Variants in CLSPN observed in about 807,000 individuals in gnomAD.
CLSPN encodes claspin homolog.
A neutral mutation model predicts 156.3 loss-of-function variants in CLSPN; 85 were observed. The observed-to-expected ratio is 0.54, with a 90% confidence interval of 0.46 to 0.65. CLSPN has a LOEUF of 0.65. Ranked by LOEUF, CLSPN falls within the 30% of genes least tolerant of loss-of-function variation. The pLI is 0.00. For missense variants in CLSPN, 1,407 were observed against 1,554.9 expected (o/e 0.90, Z 1.60); for synonymous variants, 534 against 542.4 (o/e 0.98, Z 0.22).
At chr1:35,743,609 A>C (rs1032517506) in intron 16 of CLSPN, 79 bp from the exon 17 acceptor site, 1 of 1,217,338 alleles carries the variant, frequency 8.2e-7, no homozygotes, top group Admixed American at 2.0e-5. Context: ...TGAATTAAAA[A>C]AAATTTTGTG....
Position 35,748,559 on chromosome 1 carries a change from T to C in CLSPN, c.2318A>G (p.Asn773Ser), listed in dbSNP as rs114871384. Residue 773 changes from asparagine (N) to serine (S), a missense_variant, in exon 13 of 25, where the codon AAT (asparagine) becomes AGT (serine). Physicochemically the swap from Asn to Ser is conservative, Grantham distance 46. Coordinates refer to ENST00000318121, the MANE Select transcript of CLSPN (RefSeq NM_022111.4). ...CSLLTKESSHNSSFELIGSTI... is the reference protein window; with the variant it reads ...CSLLTKESSHSSSFELIGSTI... ...GGAGCCAATCAGCTCAAAGCTGCTA[T>C]TGTGGCTGCTCTCCTTTGTTAGCAA... 1 of 1,614,166 alleles carries C rather than the reference T, an allele frequency of 6.2e-7. No individual in the cohort carries two copies. Among genetic ancestry groups the C allele is most frequent in the Non-Finnish European group, 8.5e-7 (1 of 1,180,024 alleles).
chr1:35,760,535 T>C lies in CLSPN; in HGVS notation c.1386A>G (p.Gln462=). The part of the protein sequence containing the change: ...EPHALEGEGP[Q]NPEETDEKVE... ...CTTTCTCATCTGTTTCTTCTGGATT[T>C]TGGGGGCCTTCACCCTCCAGGGCAT... The change falls in exon 8 of 25, where the codon CAA becomes CAG. Residue 462 remains glutamine (Q), a synonymous_variant. Coordinates refer to ENST00000318121, the MANE Select transcript of CLSPN (RefSeq NM_022111.4). 6.2e-7 allele frequency: 1 copy of C among 1,614,210 alleles called. No homozygotes were observed. The highest frequency in any genetic ancestry group is 1.7e-5 in the Admixed American group (1 of 60,026).
downstream of CLSPN, among the ~76,000 whole-genome samples, chr1:35,731,509 C>T (rs1030349451): frequency 2.0e-5 from 3 of 152,138 alleles, no homozygotes; most frequent in African/African-American, 7.2e-5. Context: ...AAGTGTCATC[C>T]TCCAAATTAT....
Position 35,733,382 on chromosome 1 carries a change from T to G in CLSPN, c.*3114A>C. On this transcript the variant is annotated 3_prime_UTR_variant, in exon 25 of 25. Transcript: ENST00000318121. The stretch of plus-strand genomic sequence containing the variant: ...GTTTCCCAGGCTGGTCTCGAACTCC[T>G]GAGTTCAAGCAATGCACCCACCTCA... 14 of 599,012 alleles carry G rather than the reference T, an allele frequency of 2.3e-5. No homozygotes were observed. Among genetic ancestry groups the G allele is most frequent in the Non-Finnish European group, 2.9e-5 (14 of 479,256 alleles). The allele number at this position is 599,012 out of a possible 1,614,324, so 37.1% of individuals were successfully genotyped here. A position where few individuals can be genotyped will look rare whatever the true frequency, so the allele number is the denominator to read the frequency against.
chr1:35,744,207 G>A (rs1641794630), intron 16 of CLSPN, among the ~76,000 whole-genome samples: 1 of 152,162 alleles, frequency 6.6e-6, no homozygotes. Flanking sequence ...ACTACTCTAA[G>A]TATCTCATGT....
intron 7 of CLSPN, 65 bp from the exon 8 acceptor site, chr1:35,760,981 G>T: frequency 7.0e-7 from 1 of 1,420,516 alleles, no homozygotes; most frequent in Non-Finnish European, 9.8e-7. Flanking sequence ...TCATCCCTTA[G>T]TATATATCAG....
At chr1:35,769,106 T>G (rs1163270181) in intron 1 of CLSPN, among the ~76,000 whole-genome samples, 1 of 152,230 alleles carries the variant, frequency 6.6e-6, no homozygotes, top group Non-Finnish European at 1.5e-5. Context: ...TTTTGTTCAA[T>G]ATCAAATCAT....
downstream of CLSPN, among the ~76,000 whole-genome samples, chr1:35,730,720 G>T (rs377668199): frequency 6.6e-6 from 1 of 150,904 alleles, no homozygotes; most frequent in South Asian, 2.1e-4. Flanking sequence ...AAAATTAGCC[G>T]GGTGTGGTGG....
chr1:35,763,417 C>G, intron 3 of CLSPN, 96 bp from the exon 4 acceptor site: 1 of 832,086 alleles, frequency 1.2e-6, no homozygotes, highest in South Asian at 2.3e-5. Context: ...AGAAAAAGCC[C>G]ATGTTTCATC....
At chr1:35,742,738 A>G (rs1480853424) in intron 18 of CLSPN, among the ~76,000 whole-genome samples, 2 of 146,236 alleles carry the variant, frequency 1.4e-5, no homozygotes, top group Non-Finnish European at 3.0e-5. Context: ...ATATTAAGTG[A>G]TCAACTTTTT....
chr1:35,729,455 A>G (rs1328874636), downstream of CLSPN, among the ~76,000 whole-genome samples: 2 of 152,218 alleles, frequency 1.3e-5, no homozygotes, highest in Non-Finnish European at 2.9e-5. Flanking sequence ...GAACTAAATC[A>G]ATAAACTGAA....
rs1019865536 is a variant in CLSPN, at chr1:35,748,535, G to A, written c.2342C>T (p.Ser781Phe). The A allele has an allele frequency of 2.5e-6, 4 of 1,614,158 alleles. No individual in the cohort carries two copies. The highest frequency in any genetic ancestry group is 3.4e-6 in the Non-Finnish European group (4 of 1,180,018). ...SHNSSFELIG[S>F]TIPSYQPCNR... ...GCAAGGCTGATAGGATGGAATCGTG[G>A]AGCCAATCAGCTCAAAGCTGCTATT... Residue 781 changes from serine (S) to phenylalanine (F), a missense_variant, in exon 13 of 25, where the codon TCC becomes TTC. By Grantham distance (155) the Ser-to-Phe change is radical. This residue lies in a region of CLSPN where 1,096 missense variants were observed against 1,193.0 expected (regional missense o/e 0.92). Transcript: ENST00000318121.
intron 24 of CLSPN, chr1:35,721,103 GCC>G: frequency 1.6e-6 from 1 of 637,228 alleles, no homozygotes; most frequent in South Asian, 2.1e-5. Context: ...ATTTTGCCAA[GCC>G]TAACTTGAGT....
At position 35,735,649 on chromosome 1, in the gene CLSPN, C is replaced by T. The variant is rs560528282; in HGVS notation, c.*847G>A. On this transcript the variant is annotated 3_prime_UTR_variant, in exon 25 of 25. Transcript: ENST00000318121. ...CTTGAACCCGGGAGGCAGAGGTTGC[C>T]GTGAGCCGAGATTGCGCCACTGCAC... The T allele has an allele frequency of 1.0e-5, 9 of 863,362 alleles. No individual in the cohort carries two copies. The highest frequency in any genetic ancestry group is 1.1e-4 in the South Asian group (2 of 18,710). The allele number at this position is 863,362 out of a possible 1,614,324, so 53.5% of individuals were successfully genotyped here.
chr1:35,736,544 A>G lies in CLSPN; in HGVS notation c.3972T>C (p.Asp1324=), dbSNP rs1335928799. The change falls in exon 25 of 25, where the codon GAT becomes GAC. Residue 1324 remains aspartate, a synonymous_variant. Coordinates refer to ENST00000318121, the MANE Select transcript of CLSPN (RefSeq NM_022111.4). ...TGCTTCGCGTCAATCCTGAAGTGCT[A>G]TCATCTGTTTTGAGGTGCTTAGGTG... The part of the protein sequence containing the change: ...SPSPKHLKTD[D]STSGLTRSIF... 6 of 1,612,258 alleles carry G rather than the reference A, an allele frequency of 3.7e-6. No individual in the cohort carries two copies. Among genetic ancestry groups the G allele is most frequent in the East Asian group, 2.2e-5 (1 of 44,812 alleles).
Position 35,733,531 on chromosome 1 carries a change from A to G in CLSPN, c.*2965T>C. ...TGTAGGGAAACAAGAGGGAAGAAAT[A>G]TCTAGCCTTCCTGCTCAGTTCTCTT... is the stretch of plus-strand genomic sequence containing the variant. On this transcript the variant is annotated 3_prime_UTR_variant, in exon 25 of 25. Coordinates refer to ENST00000318121, the MANE Select transcript of CLSPN (RefSeq NM_022111.4). 1 of 985,316 alleles carries G rather than the reference A, an allele frequency of 1.0e-6. No homozygotes were observed. Among genetic ancestry groups the G allele is most frequent in the Non-Finnish European group, 1.2e-6 (1 of 829,894 alleles). The allele number at this position is 985,316 out of a possible 1,614,324, so 61.0% of individuals were successfully genotyped here.
At chr1:35,739,732 G>A (rs1188100093) in intron 18 of CLSPN, among the ~76,000 whole-genome samples, 1 of 152,116 alleles carries the variant, frequency 6.6e-6, no homozygotes, top group South Asian at 2.1e-4. Flanking sequence ...AATGTGATAC[G>A]CACTTAGTAT....
At chr1:35,745,827 A>T (rs1641860197) in intron 15 of CLSPN, among the ~76,000 whole-genome samples, 1 of 152,242 alleles carries the variant, frequency 6.6e-6, no homozygotes, top group Non-Finnish European at 1.5e-5. Flanking sequence ...TATTGGGGGC[A>T]GGGAACAGGA....
At position 35,734,866 on chromosome 1, in the gene CLSPN, T is replaced by A; in HGVS notation, c.*1630A>T. On this transcript the variant is annotated 3_prime_UTR_variant, in exon 25 of 25. Coordinates refer to ENST00000318121, the MANE Select transcript of CLSPN (RefSeq NM_022111.4). ...GAAACCACAGTATTCACATGGAATGTTTTTCCAAAGCAGCACTGATGCTCA... is the reference window on the plus strand; with the variant it reads ...GAAACCACAGTATTCACATGGAATGATTTTCCAAAGCAGCACTGATGCTCA... 1.0e-6 allele frequency: 1 copy of A among 985,402 alleles called. No individual in the cohort carries two copies. The highest frequency in any genetic ancestry group is 1.2e-6 in the Non-Finnish European group (1 of 829,934). The allele number at this position is 985,402 out of a possible 1,614,324, so 61.0% of individuals were successfully genotyped here. A position where few individuals can be genotyped will look rare whatever the true frequency, so the allele number is the denominator to read the frequency against.
Sources: gnomAD v4.1 joint callset for allele counts (sites outside exome capture counted in the v4.1 genomes callset) on GRCh38, gnomAD v4.1.1 for gene constraint, gnomAD v4.1.1 regional missense constraint, MANE v1.5 for transcripts, NCBI Gene and HGNC (gene_info 2026-07-23, HGNC 2026-07-21) for gene names.